Variants in FLNB observed in about 807,000 individuals in gnomAD.
FLNB encodes the protein filamin B.
Under a neutral mutation model 250.6 loss-of-function variants are expected in FLNB, and 111 were observed. That is an observed-to-expected ratio of 0.44 (90% confidence interval 0.38 to 0.52). FLNB has a LOEUF of 0.52. Ranked by LOEUF, FLNB falls within the 20% of genes least tolerant of loss-of-function variation. FLNB has a pLI of 0.00. For synonymous variants in FLNB, 1,302 were observed against 1,372.1 expected, an observed-to-expected ratio of 0.95 and a Z score of 1.13; for missense variants, 2,869 against 3,447.8, an observed-to-expected ratio of 0.83 and a Z score of 4.20.
Position 58,121,583 on chromosome 3 carries a change from CAAAG to C in FLNB, c.3126+82_3126+85del. ...ATAGTCCTTCTCTGGTTCTTCCTGG[CAAAG>C]ACCTTCTGAAAATCGTTTTGTGATG... On this transcript the variant is annotated intron_variant, in intron 20 of 45. Transcript: ENST00000295956. 2.6e-6 allele frequency: 4 copies of C among 1,560,774 alleles called. No individual in the cohort carries two copies. The South Asian group carries it at 4.5e-5, about 17-fold the overall frequency.
intron 4 of FLNB, among the ~76,000 whole-genome samples, chr3:58,091,908 A>G (rs1216650110): frequency 6.6e-6 from 1 of 152,196 alleles, no homozygotes; most frequent in East Asian, 1.9e-4. Context: ...TTTACAAACA[A>G]TTTAAAACTT....
At chr3:58,105,290 A>T (rs1459192338) in intron 11 of FLNB, 74 bp downstream of exon 11, 5 of 1,595,276 alleles carry the variant, frequency 3.1e-6, no homozygotes, top group Non-Finnish European at 4.3e-6. Context: ...GTCAGGCTGG[A>T]TGTTGGGGCC....
chr3:58,098,044 G>A (rs937136847), intron 7 of FLNB, 67 bp downstream of exon 7: 33 of 1,543,804 alleles, frequency 2.1e-5, no homozygotes, highest in South Asian at 6.7e-5. Flanking sequence ...TATAATCCTC[G>A]GGGACTTGAA....
chr3:58,051,417 C>T (rs938311741), intron 1 of FLNB, among the ~76,000 whole-genome samples: 1 of 152,222 alleles, frequency 6.6e-6, no homozygotes, highest in African/African-American at 2.4e-5. Flanking sequence ...CCTTGGGCAC[C>T]TCCGGTTCTG....
At chr3:58,149,305 C>T in intron 36 of FLNB, 1 of 260,906 alleles carries the variant, frequency 3.8e-6, no homozygotes, top group Non-Finnish European at 7.4e-6. Context: ...TCCAAGCTTG[C>T]CACACCCCAG....
chr3:58,067,572 G>GTT (rs11400987), intron 1 of FLNB, among the ~76,000 whole-genome samples: 169 of 145,152 alleles, frequency 1.2e-3, no homozygotes, highest in East Asian at 4.1e-3. Flanking sequence ...TAACAAAGAG[G>GTT]TTTTTTTTGT....
intron 26 of FLNB, among the ~76,000 whole-genome samples, chr3:58,133,437 G>GAAA (rs55916881): frequency 7.4e-5 from 5 of 67,600 alleles, no homozygotes; most frequent in Non-Finnish European, 1.4e-4. Flanking sequence ...GACATCTCTG[G>GAAA]AAAAAAAAAA....
intron 38 of FLNB, chr3:58,151,344 A>G (rs2097344463): frequency 7.3e-6 from 1 of 136,436 alleles, no homozygotes; most frequent in African/African-American, 2.8e-5. Flanking sequence ...GTGAGCTGAA[A>G]TTGCACCGCT....
intron 18 of FLNB, among the ~76,000 whole-genome samples, chr3:58,113,781 C>T (rs1449461443): frequency 2.0e-5 from 3 of 152,104 alleles, no homozygotes; most frequent in Non-Finnish European, 2.9e-5. Flanking sequence ...CAGGTTCAAG[C>T]GATTCTCCTG....
chr3:58,147,791 G>C (rs2097338070), intron 34 of FLNB, among the ~76,000 whole-genome samples: 1 of 152,140 alleles, frequency 6.6e-6, no homozygotes, highest in Non-Finnish European at 1.5e-5. Context: ...CTCCTGAATA[G>C]CTGGGATTAC....
At chr3:58,061,959 G>T (rs1407829906) in intron 1 of FLNB, among the ~76,000 whole-genome samples, 5 of 151,512 alleles carry the variant, frequency 3.3e-5, no homozygotes, top group African/African-American at 1.2e-4. Context: ...GGCATGATGG[G>T]GGGCGCCTGT....
chr3:58,032,603 G>A (rs2097132535), intron 1 of FLNB, among the ~76,000 whole-genome samples: 3 of 152,156 alleles, frequency 2.0e-5, no homozygotes, highest in Non-Finnish European at 4.4e-5. Flanking sequence ...AGTAGGGCTG[G>A]TTCAACAGTG....
chr3:58,158,096 G>T (rs1191201873), intron 41 of FLNB, among the ~76,000 whole-genome samples: 2 of 151,826 alleles, frequency 1.3e-5, no homozygotes, highest in Non-Finnish European at 2.9e-5. Flanking sequence ...AATTGGAGTA[G>T]GCTGGCACTT....
rs2097270470 is a variant in FLNB, at chr3:58,112,444, G to A, written c.2745+126G>A. ...TCTGCCAAAGTGCTCCCTGATGGGA[G>A]GCAGCTCCTGGCACTTTGAACCCCT... On this transcript the variant is annotated intron_variant, in intron 18 of 45. Coordinates refer to ENST00000295956, the MANE Select transcript of FLNB (RefSeq NM_001457.4). 4 of 908,764 alleles carry A rather than the reference G, an allele frequency of 4.4e-6. No individual in the cohort carries two copies. In the South Asian group the frequency reaches 5.5e-5, roughly 13 times the overall value. The allele number at this position is 908,764 out of a possible 1,614,324, so 56.3% of individuals were successfully genotyped here. A position where few individuals can be genotyped will look rare whatever the true frequency, so the allele number is the denominator to read the frequency against.
chr3:58,055,287 T>C (rs978672735), intron 1 of FLNB, among the ~76,000 whole-genome samples: 7 of 151,916 alleles, frequency 4.6e-5, no homozygotes, highest in African/African-American at 1.7e-4. Context: ...AAACTTACTC[T>C]TTGGCCCTTT....
intron 1 of FLNB, among the ~76,000 whole-genome samples, chr3:58,031,509 TAG>T (rs1363843994): frequency 4.7e-5 from 7 of 148,634 alleles, no homozygotes; most frequent in South Asian, 2.1e-4. Flanking sequence ...CCCAAAGTGC[TAG>T]GGGATTACAG....
At position 58,168,577 on chromosome 3, in the gene FLNB, G is replaced by A; in HGVS notation, c.7336G>A (p.Ala2446Thr). The A allele has an allele frequency of 6.2e-7, 1 of 1,614,162 alleles. No homozygotes were observed. The highest frequency in any genetic ancestry group is 8.5e-7 in the Non-Finnish European group (1 of 1,179,998). The change falls in exon 44 of 46, where the codon GCT becomes ACT. Residue 2446 changes from alanine (A) to threonine (T), a missense_variant. Around this residue, in one of 5 missense-constraint regions of FLNB, gnomAD observed 1,084 missense variants for 1,315.5 expected, o/e 0.82. Coordinates refer to ENST00000295956, the MANE Select transcript of FLNB (RefSeq NM_001457.4). ...EGYKVMYTPM[A>T]PGNYLISVKY... is the part of the protein sequence containing the mutation. Reference sequence around the variant, plus strand: ...GTACAAAGTCATGTACACCCCCATGGCTCCTGGTAACTACCTGATCAGCGT... The same window carrying A: ...GTACAAAGTCATGTACACCCCCATGACTCCTGGTAACTACCTGATCAGCGT...
chr3:58,108,382 C>G, intron 12 of FLNB, 76 bp from the exon 13 acceptor site: 1 of 930,588 alleles, frequency 1.1e-6, no homozygotes, highest in Admixed American at 1.9e-5. Flanking sequence ...CCCCCACCCC[C>G]TGGTTACCTG....
intron 29 of FLNB, among the ~76,000 whole-genome samples, chr3:58,141,609 G>A (rs1454541875): frequency 6.6e-6 from 1 of 152,180 alleles, no homozygotes. Context: ...ATTAACTATG[G>A]AGTCTCCCGC....
Sources: gnomAD v4.1 joint callset for allele counts (sites outside exome capture counted in the v4.1 genomes callset) on GRCh38, gnomAD v4.1.1 for gene constraint, gnomAD v4.1.1 regional missense constraint, MANE v1.5 for transcripts, NCBI Gene and HGNC (gene_info 2026-07-23, HGNC 2026-07-21) for gene names.